Variants in RALYL observed in about 807,000 individuals in gnomAD.
RALYL encodes the protein RNA-binding Raly-like protein.
RALYL carries 29 observed loss-of-function variants against 35.1 expected under a neutral mutation model. The observed-to-expected ratio is 0.83, with a 90% confidence interval of 0.61 to 1.13. RALYL has a LOEUF of 1.13. RALYL is among the 50% of genes most tolerant of loss of function. The pLI is 0.00. For missense variants in RALYL, 359 were observed against 360.4 expected, an observed-to-expected ratio of 1.00 and a Z score of 0.03; for synonymous variants, 120 against 127.6, an observed-to-expected ratio of 0.94 and a Z score of 0.40.
At chr8:84,483,239 C>G (rs1031651137) in intron 1 of RALYL, among the ~76,000 whole-genome samples, 1 of 152,028 alleles carries the variant, frequency 6.6e-6, no homozygotes, top group Non-Finnish European at 1.5e-5. Flanking sequence ...ACATAACATG[C>G]TATGATACTT....
intron 1 of RALYL, among the ~76,000 whole-genome samples, chr8:84,305,698 C>A (rs1841651914): frequency 6.6e-6 from 1 of 152,126 alleles, no homozygotes; most frequent in South Asian, 2.1e-4. Flanking sequence ...TCTTCCCCTA[C>A]TAATGGTAAG....
rs116371216 is a variant in RALYL at position 84,463,579 on chromosome 8, T to G, written c.-23-65720T>G. Reference sequence around the variant, plus strand: ...GCATTTGGCATTGTGAAATTCAGATTTAGCGTGTGTCTGATACATATTAGC... The same window carrying G: ...GCATTTGGCATTGTGAAATTCAGATGTAGCGTGTGTCTGATACATATTAGC... On this transcript the variant is annotated intron_variant, in intron 1 of 8. Coordinates refer to ENST00000521268, the MANE Select transcript of RALYL (RefSeq NM_173848.7). Among the ~76,000 whole-genome samples the G allele has an allele frequency of 5.5e-3, 841 of 152,124 alleles. 3 individuals are homozygous for G. The highest frequency in any genetic ancestry group is 0.019 in the African/African-American group (802 of 41,528).
chr8:84,918,608 G>A (rs1445396036), intron 8 of RALYL, among the ~76,000 whole-genome samples: 1 of 152,060 alleles, frequency 6.6e-6, no homozygotes, highest in African/African-American at 2.4e-5. Flanking sequence ...AAGTGACTAT[G>A]TTTCTTAAGA....
intron 1 of RALYL, among the ~76,000 whole-genome samples, chr8:84,527,572 G>A (rs993435972): frequency 4.6e-5 from 7 of 152,086 alleles, no homozygotes; most frequent in African/African-American, 1.7e-4. Context: ...TTGTATTACT[G>A]GTGTTGGCTT....
At chr8:84,889,035 C>T (rs1436947390) in intron 8 of RALYL, among the ~76,000 whole-genome samples, 2 of 152,202 alleles carry the variant, frequency 1.3e-5, no homozygotes, top group African/African-American at 2.4e-5. Flanking sequence ...CATGTGTGAA[C>T]CACTGTGCCC....
At chr8:84,729,590 C>A in intron 2 of RALYL, among the ~76,000 whole-genome samples, 1 of 152,034 alleles carries the variant, frequency 6.6e-6, no homozygotes. Flanking sequence ...TTAATGAATC[C>A]AGAAGCTGGT....
At chr8:84,567,422 G>T (rs1003668049) in intron 2 of RALYL, among the ~76,000 whole-genome samples, 3 of 151,566 alleles carry the variant, frequency 2.0e-5, no homozygotes, top group African/African-American at 7.3e-5. Context: ...TCCATGTGTG[G>T]CCATTGTTTA....
intron 2 of RALYL, among the ~76,000 whole-genome samples, chr8:84,568,368 A>G (rs1015653469): frequency 6.6e-5 from 10 of 151,798 alleles, no homozygotes; most frequent in African/African-American, 2.4e-4. Flanking sequence ...GTCCCTACAA[A>G]GGACATGAAC....
intron 2 of RALYL, among the ~76,000 whole-genome samples, chr8:84,766,748 A>C (rs1432948001): frequency 1.2e-4 from 17 of 147,008 alleles, no homozygotes; most frequent in Admixed American, 8.8e-4. Context: ...AAAAAAAAAA[A>C]CTCCCAAAAC....
At chr8:84,455,420 G>T (rs1426415141) in intron 1 of RALYL, among the ~76,000 whole-genome samples, 1 of 151,930 alleles carries the variant, frequency 6.6e-6, no homozygotes, top group African/African-American at 2.4e-5. Context: ...AAGAAAAATA[G>T]GTTCAAATAG....
intron 1 of RALYL, among the ~76,000 whole-genome samples, chr8:84,496,975 A>T (rs1394909311): frequency 6.6e-6 from 1 of 152,158 alleles, no homozygotes; most frequent in African/African-American, 2.4e-5. Flanking sequence ...ACATATGAAG[A>T]ATAACCTGTA....
At chr8:84,888,221 A>C (rs1843234762) in intron 8 of RALYL, among the ~76,000 whole-genome samples, 1 of 152,230 alleles carries the variant, frequency 6.6e-6, no homozygotes, top group African/African-American at 2.4e-5. Context: ...GTGCTCCCTA[A>C]GATGACACTT....
intron 2 of RALYL, among the ~76,000 whole-genome samples, chr8:84,606,172 A>G (rs1188030966): frequency 6.6e-6 from 1 of 152,106 alleles, no homozygotes; most frequent in East Asian, 1.9e-4. Context: ...GCACTCTCAT[A>G]CACACATCAA....
At chr8:84,528,351 A>G (rs528450852) in intron 1 of RALYL, among the ~76,000 whole-genome samples, 1 of 152,244 alleles carries the variant, frequency 6.6e-6, no homozygotes, top group South Asian at 2.1e-4. Context: ...GGAAGAAAGG[A>G]AGGAAAGAAG....
chr8:84,483,032 G>T (rs556133628), intron 1 of RALYL, among the ~76,000 whole-genome samples: 7 of 152,096 alleles, frequency 4.6e-5, no homozygotes, highest in Middle Eastern at 3.4e-3. Context: ...AGTTAATTTT[G>T]TGATTTTTTA....
chr8:84,291,278 T>C (rs1838728307), intron 1 of RALYL, among the ~76,000 whole-genome samples: 1 of 152,176 alleles, frequency 6.6e-6, no homozygotes, highest in South Asian at 2.1e-4. Context: ...GAAAGACTTG[T>C]GAGAAACACT....
chr8:84,359,919 C>G (rs1852621536), intron 1 of RALYL, among the ~76,000 whole-genome samples: 1 of 147,662 alleles, frequency 6.8e-6, no homozygotes, highest in Non-Finnish European at 1.5e-5. Context: ...TCTTTTGAGA[C>G]AGAATCTCAC....
At chr8:84,838,597 T>C (rs927610560) in intron 4 of RALYL, among the ~76,000 whole-genome samples, 1 of 152,214 alleles carries the variant, frequency 6.6e-6, no homozygotes, top group African/African-American at 2.4e-5. Flanking sequence ...CAGATAAAAT[T>C]GAGTTTATGA....
chr8:84,625,402 G>A (rs1822507399), intron 2 of RALYL, among the ~76,000 whole-genome samples: 1 of 152,152 alleles, frequency 6.6e-6, no homozygotes, highest in South Asian at 2.1e-4. Context: ...TGTACTGTAT[G>A]GCAAGCACTT....
Sources: gnomAD v4.1 joint callset for allele counts (sites outside exome capture counted in the v4.1 genomes callset) on GRCh38, gnomAD v4.1.1 for gene constraint, MANE v1.5 for transcripts, NCBI Gene and HGNC (gene_info 2026-07-23, HGNC 2026-07-21) for gene names.